The following SASS6 variants were observed in gnomAD, a reference collection of about 807,000 sequenced individuals.
SASS6 encodes SAS-6 centriolar assembly protein.
SASS6 carries 59 observed loss-of-function variants against 94.9 expected under a neutral mutation model. That is an observed-to-expected ratio of 0.62 (90% CI 0.50 to 0.77). The LOEUF is 0.77. SASS6 is among the 30% of genes least tolerant of loss of function. SASS6 has a pLI of 0.00. For missense variants in SASS6, 698 were observed against 734.1 expected (o/e 0.95, Z 0.57); for synonymous variants, 264 against 270.0 (o/e 0.98, Z 0.22).
At chr1:100,125,842 T>C (rs746467382) in intron 2 of SASS6, 40 bp downstream of exon 2, 2 of 955,128 alleles carry the variant, frequency 2.1e-6, no homozygotes, top group South Asian at 1.4e-5. Flanking sequence ...TTGTCTACAA[T>C]GTACCGAAAT....
chr1:100,122,364 T>A lies in SASS6; in HGVS notation c.311+16A>T. ...TTGAATTAAATTTAATAATGTAGCA[T>A]TCTCATGCAACTTACCTTGGAATTT... On this transcript the variant is annotated intron_variant, in intron 4 of 16. Transcript: ENST00000287482. The A allele has an allele frequency of 9.1e-7, 1 of 1,099,722 alleles. No homozygotes were observed. Among genetic ancestry groups the A allele is most frequent in the Non-Finnish European group, 1.4e-6 (1 of 728,162 alleles). The allele number at this position is 1,099,722 out of a possible 1,614,324, so 68.1% of individuals were successfully genotyped here.
chr1:100,129,282 A>G (rs1330994469), intron 1 of SASS6, among the ~76,000 whole-genome samples: 1 of 152,030 alleles, frequency 6.6e-6, no homozygotes, highest in East Asian at 1.9e-4. Flanking sequence ...TGACACAAAC[A>G]AAACAAAACA....
chr1:100,105,776 G>C lies in SASS6; in HGVS notation c.1536C>G (p.Asn512Lys). The change falls in exon 13 of 17, where the codon AAC becomes AAG. Residue 512 changes from asparagine to lysine, a missense_variant. By Grantham distance (94) the Asn-to-Lys change is moderately conservative. Transcript: ENST00000287482. ...SNTIRSGISPNLNVVDGRLTY... is the reference protein window; with the variant it reads ...SNTIRSGISPKLNVVDGRLTY... ...TTGTTTTAAATCTTACCACATTCAG[G>C]TTAGGAGAAATTCCACTTCTGATTG... is the stretch of plus-strand genomic sequence containing the variant. 6.2e-7 allele frequency: 1 copy of C among 1,612,378 alleles called. No homozygotes were observed. The highest frequency in any genetic ancestry group is 1.1e-5 in the South Asian group (1 of 90,748).
intron 1 of SASS6, among the ~76,000 whole-genome samples, chr1:100,126,928 T>C (rs1198494552): frequency 6.6e-6 from 1 of 152,246 alleles, no homozygotes; most frequent in East Asian, 1.9e-4. Context: ...ATATTCTTTA[T>C]GTAATAAAAC....
rs753833959 is a variant in SASS6 at position 100,085,020 on chromosome 1, CTCA to C, written c.*305_*307del. ...GATTTTTAATATGATCAGAATCTCC[CTCA>C]TAAGGATCAACTCTTTCCTTAGAAC... is the stretch of plus-strand genomic sequence containing the variant. On this transcript the variant is annotated 3_prime_UTR_variant, in exon 17 of 17. Transcript: ENST00000287482. 7.1e-5 allele frequency: 17 copies of C among 241,068 alleles called. No homozygotes were observed. The highest frequency in any genetic ancestry group is 8.7e-5 in the South Asian group (1 of 11,516). The allele number at this position is 241,068 out of a possible 1,614,324, so 14.9% of individuals were successfully genotyped here.
chr1:100,117,277 G>A (rs1226711879), intron 7 of SASS6, among the ~76,000 whole-genome samples: 1 of 148,696 alleles, frequency 6.7e-6, no homozygotes, highest in Middle Eastern at 3.5e-3. Flanking sequence ...GGCAACAAGA[G>A]CGAAATTCTG....
chr1:100,129,279 A>G (rs978127622), intron 1 of SASS6, among the ~76,000 whole-genome samples: 2 of 152,054 alleles, frequency 1.3e-5, no homozygotes, highest in African/African-American at 4.8e-5. Flanking sequence ...GGATGACACA[A>G]ACAAAACAAA....
intron 7 of SASS6, among the ~76,000 whole-genome samples, chr1:100,112,081 A>G (rs1294445771): frequency 7.0e-6 from 1 of 142,178 alleles, no homozygotes; most frequent in Non-Finnish European, 1.6e-5. Flanking sequence ...TACATTAAAA[A>G]TTTTCCATTC....
intron 1 of SASS6, among the ~76,000 whole-genome samples, chr1:100,126,425 T>TA (rs1261393636): frequency 1.3e-5 from 2 of 152,242 alleles, no homozygotes; most frequent in Non-Finnish European, 2.9e-5. Flanking sequence ...CTTTTCACAT[T>TA]AAAAAATTAC....
chr1:100,108,057 A>G (rs1400014265), intron 8 of SASS6, 53 bp from the exon 9 acceptor site: 1 of 1,066,508 alleles, frequency 9.4e-7, no homozygotes, highest in Non-Finnish European at 1.4e-6. Context: ...AAGCTGCCTC[A>G]TCTGGTTATT....
chr1:100,118,995 T>G (rs373480390), intron 7 of SASS6, 23 bp downstream of exon 7: 15 of 1,479,244 alleles, frequency 1.0e-5, no homozygotes, highest in Non-Finnish European at 1.3e-5. Context: ...AGATATTTTT[T>G]CAGTTTCCTT....
intron 14 of SASS6, among the ~76,000 whole-genome samples, chr1:100,093,712 G>A (rs1345072531): frequency 2.0e-5 from 3 of 151,952 alleles, no homozygotes; most frequent in Non-Finnish European, 4.4e-5. Flanking sequence ...AAGGAGCTGC[G>A]ATCATGCCAC....
In SASS6 at chr1:100,088,119, TTA is replaced by T; in HGVS notation, c.1772+18_1772+19del. ...CCTTCAAAATTGCAAACATTAAATT[TTA>T]TGTCATTAAGCACTTACTTTTCCTT... On this transcript the variant is annotated intron_variant, in intron 15 of 16. Transcript: ENST00000287482. 1.5e-6 allele frequency: 2 copies of T among 1,369,372 alleles called. No individual in the cohort carries two copies. Among genetic ancestry groups the T allele is most frequent in the Non-Finnish European group, 2.1e-6 (2 of 961,486 alleles). 84.8% of individuals were successfully genotyped at this position (1,369,372 alleles called of 1,614,324 possible). A position where few individuals can be genotyped will look rare whatever the true frequency, so the allele number is the denominator to read the frequency against.
intron 7 of SASS6, among the ~76,000 whole-genome samples, chr1:100,115,993 A>G (rs1653776305): frequency 6.6e-6 from 1 of 152,212 alleles, no homozygotes; most frequent in African/African-American, 2.4e-5. Flanking sequence ...AGAATATAGG[A>G]GAATTTTTTC....
At chr1:100,120,253 T>C (rs752502925) in intron 6 of SASS6, 141 bp downstream of exon 6, 119 of 587,382 alleles carry the variant, frequency 2.0e-4, no homozygotes, top group Admixed American at 2.5e-4. Context: ...TAAGTGGTAG[T>C]TGAAGGGTGG....
Position 100,107,008 on chromosome 1 carries a change from TC to T in SASS6, c.1327-16del. ...AATTTGCATACCTGAAATATATCAA[TC>T]ATCACAATAAGTCAAGCAAAATAAA... On this transcript the variant is annotated splice_polypyrimidine_tract_variant and intron_variant, in intron 11 of 16. Coordinates refer to ENST00000287482, the MANE Select transcript of SASS6 (RefSeq NM_194292.3). 1 of 1,084,054 alleles carries T rather than the reference TC, an allele frequency of 9.2e-7. No homozygotes were observed. The highest frequency in any genetic ancestry group is 1.4e-6 in the Non-Finnish European group (1 of 708,876). The allele number at this position is 1,084,054 out of a possible 1,614,324, so 67.2% of individuals were successfully genotyped here. A position where few individuals can be genotyped will look rare whatever the true frequency, so the allele number is the denominator to read the frequency against.
chr1:100,128,643 A>AT (rs1654794539), intron 1 of SASS6, among the ~76,000 whole-genome samples: 1 of 152,166 alleles, frequency 6.6e-6, no homozygotes, highest in Admixed American at 6.6e-5. Flanking sequence ...CACAAATCTT[A>AT]TTTTTTCCCT....
intron 14 of SASS6, among the ~76,000 whole-genome samples, chr1:100,095,075 T>C (rs1345086725): frequency 6.6e-6 from 1 of 152,164 alleles, no homozygotes; most frequent in African/African-American, 2.4e-5. Flanking sequence ...CCATTCATGA[T>C]AAAAGCTCTT....
Position 100,105,845 on chromosome 1 carries a change from T to C in SASS6, c.1467A>G (p.Val489=), listed in dbSNP as rs771807003. ...CAGGCGGAGTAGTAGAAGGTCCCAA[T>C]ACATCTTGCTTTCTCACTAGCTGAT... The part of the protein sequence containing the change: ...NENQLVRKQD[V]LGPSTTPPAH... The change falls in exon 13 of 17, where the codon GTA becomes GTG. Residue 489 remains valine (V), a synonymous_variant. Coordinates refer to ENST00000287482, the MANE Select transcript of SASS6 (RefSeq NM_194292.3). The C allele has an allele frequency of 2.0e-5, 32 of 1,611,564 alleles. No individual in the cohort carries two copies. Among genetic ancestry groups the C allele is most frequent in the Non-Finnish European group, 2.7e-5 (32 of 1,178,392 alleles).
Sources: gnomAD v4.1 joint callset for allele counts (sites outside exome capture counted in the v4.1 genomes callset) on GRCh38, gnomAD v4.1.1 for gene constraint, MANE v1.5 for transcripts, NCBI Gene and HGNC (gene_info 2026-07-23, HGNC 2026-07-21) for gene names.